Variants in GALNTL6 observed in about 807,000 individuals in gnomAD.
The protein encoded by GALNTL6 is polypeptide N-acetylgalactosaminyltransferase like 6, also known as polypeptide N-acetylgalactosaminyltransferase-like 6.
GALNTL6 carries 46 observed loss-of-function variants against 73.7 expected under a neutral mutation model. The observed-to-expected ratio is 0.62, with a 90% confidence interval of 0.49 to 0.80. The LOEUF (loss-of-function observed/expected upper bound fraction) is 0.80, where lower values mean the gene tolerates loss of function less well. GALNTL6 is among the 30% of genes least tolerant of loss of function. GALNTL6 has a pLI of 0.00. For missense variants in GALNTL6, 604 were observed against 755.0 expected, an observed-to-expected ratio of 0.80 and a Z score of 2.34; for synonymous variants, 259 against 263.7, an observed-to-expected ratio of 0.98 and a Z score of 0.17.
intron 2 of GALNTL6, among the ~76,000 whole-genome samples, chr4:171,888,421 G>A (rs1000279412): frequency 2.7e-5 from 4 of 150,782 alleles, no homozygotes; most frequent in South Asian, 2.1e-4. Context: ...CCTTATTGAC[G>A]TAAAATGGTT....
chr4:172,114,517 C>G lies in GALNTL6; in HGVS notation c.139-115139C>G, dbSNP rs34920383. Among the ~76,000 whole-genome samples, 394 of 152,134 alleles carry G rather than the reference C, an allele frequency of 2.6e-3. 2 individuals carry two copies. Among genetic ancestry groups the G allele is most frequent in the African/African-American group, 8.5e-3 (352 of 41,532 alleles). ...TCAACTTACAGCTTTGACAATACTG[C>G]TAATCAGAAACTCAGCAAGCTCTAC... is the stretch of plus-strand genomic sequence containing the variant. On this transcript the variant is annotated intron_variant, in intron 2 of 12. Transcript: ENST00000506823.
intron 5 of GALNTL6, among the ~76,000 whole-genome samples, chr4:172,731,724 A>G (rs1736159754): frequency 6.6e-6 from 1 of 152,070 alleles, no homozygotes; most frequent in Admixed American, 6.5e-5. Context: ...GCTGTATTCC[A>G]TAGAGTTTGG....
intron 2 of GALNTL6, among the ~76,000 whole-genome samples, chr4:172,105,590 G>T (rs1201044174): frequency 1.3e-5 from 2 of 151,940 alleles, no homozygotes; most frequent in Non-Finnish European, 1.5e-5. Context: ...AGAAAAAAAA[G>T]AGCTTCTAAA....
At chr4:172,284,400 C>A (rs770114630) in intron 3 of GALNTL6, among the ~76,000 whole-genome samples, 2 of 151,784 alleles carry the variant, frequency 1.3e-5, no homozygotes, top group Non-Finnish European at 2.9e-5. Context: ...ATCCACCCCC[C>A]ACACACACCA....
chr4:171,854,288 A>G (rs139810100), intron 2 of GALNTL6, among the ~76,000 whole-genome samples: 178 of 152,206 alleles, frequency 1.2e-3, no homozygotes, highest in African/African-American at 4.1e-3. Context: ...TCTTGGCCCA[A>G]TGCTAATGGC....
At chr4:172,889,466 G>A (rs945538970) in intron 8 of GALNTL6, among the ~76,000 whole-genome samples, 12 of 152,054 alleles carry the variant, frequency 7.9e-5, no homozygotes, top group African/African-American at 2.7e-4. Flanking sequence ...TATCATGAAA[G>A]GATAATGGGA....
chr4:172,267,185 T>G (rs1738477454), intron 3 of GALNTL6, among the ~76,000 whole-genome samples: 1 of 152,120 alleles, frequency 6.6e-6, no homozygotes, highest in Non-Finnish European at 1.5e-5. Flanking sequence ...TAGACTTGTT[T>G]GTTTAATATG....
At chr4:172,560,563 G>A (rs12506997) in intron 5 of GALNTL6, among the ~76,000 whole-genome samples, 134,703 of 152,140 alleles carry the variant, frequency 0.89, 59,681 homozygotes, top group African/African-American at 0.93. Flanking sequence ...GAGCACATCA[G>A]TATTAAACTC....
At chr4:172,622,730 A>G (rs1240041234) in intron 5 of GALNTL6, among the ~76,000 whole-genome samples, 1 of 152,136 alleles carries the variant, frequency 6.6e-6, no homozygotes, top group Non-Finnish European at 1.5e-5. Flanking sequence ...GATGAGCATG[A>G]AAAGATGTGT....
intron 5 of GALNTL6, among the ~76,000 whole-genome samples, chr4:172,736,866 A>G (rs1363418281): frequency 6.6e-6 from 1 of 152,146 alleles, no homozygotes; most frequent in South Asian, 2.1e-4. Context: ...CTGAGAGTGT[A>G]TAAGTCTTAA....
chr4:172,364,600 C>A (rs1489890341), intron 5 of GALNTL6, among the ~76,000 whole-genome samples: 1 of 152,258 alleles, frequency 6.6e-6, no homozygotes, highest in South Asian at 2.1e-4. Context: ...GATAACATTT[C>A]TTCCCTTAAC....
At chr4:172,424,211 G>T (rs990294396) in intron 5 of GALNTL6, among the ~76,000 whole-genome samples, 2 of 151,890 alleles carry the variant, frequency 1.3e-5, no homozygotes, top group African/African-American at 4.8e-5. Context: ...TAAATTTTTT[G>T]ATTTTGTTAT....
Position 172,297,334 on chromosome 4 carries a change from TG to T in GALNTL6, c.248-14279del, listed in dbSNP as rs558633277. ...TGTTCACTCTGATGGTAGATTCTTT[TG>T]CTGTGCAGAAGCTCTTTAGTTTAAT... is the stretch of plus-strand genomic sequence containing the variant. On this transcript the variant is annotated intron_variant, in intron 3 of 12. Transcript: ENST00000506823. Among the ~76,000 whole-genome samples the T allele has an allele frequency of 6.5e-3, 997 of 152,288 alleles. 15 individuals are homozygous for T. The highest frequency in any genetic ancestry group is 0.023 in the African/African-American group (950 of 41,538).
At chr4:171,985,105 T>C (rs577853362) in intron 2 of GALNTL6, among the ~76,000 whole-genome samples, 3 of 152,332 alleles carry the variant, frequency 2.0e-5, no homozygotes, top group Non-Finnish European at 4.4e-5. Context: ...ATTAAGTTTA[T>C]TGTGGTAACT....
At chr4:171,914,504 C>T (rs1280254223) in intron 2 of GALNTL6, among the ~76,000 whole-genome samples, 1 of 135,828 alleles carries the variant, frequency 7.4e-6, no homozygotes, top group African/African-American at 2.8e-5. Flanking sequence ...GATCTCGGCT[C>T]ACTGCAACCT....
At chr4:172,115,371 A>G (rs991993060) in intron 2 of GALNTL6, among the ~76,000 whole-genome samples, 1 of 152,160 alleles carries the variant, frequency 6.6e-6, no homozygotes, top group Non-Finnish European at 1.5e-5. Flanking sequence ...ATTTTGAGAA[A>G]TTGTTTTAAG....
Position 172,742,375 on chromosome 4 carries a change from A to G in GALNTL6, c.554-66986A>G, listed in dbSNP as rs1425001601. Among the ~76,000 whole-genome samples, 17 of 151,684 alleles carry G rather than the reference A, an allele frequency of 1.1e-4. No homozygotes were observed. The Admixed American group carries it at 1.1e-3, about 10-fold the overall frequency. ...ATGTCACAGCAATATAATTTTCCTG[A>G]ATAGTCCAAACCAATCACCCCAGCC... On this transcript the variant is annotated intron_variant, in intron 5 of 12. Coordinates refer to ENST00000506823, the MANE Select transcript of GALNTL6 (RefSeq NM_001034845.3).
At chr4:172,186,526 TA>T (rs1326044098) in intron 2 of GALNTL6, among the ~76,000 whole-genome samples, 7 of 152,198 alleles carry the variant, frequency 4.6e-5, no homozygotes, top group Admixed American at 4.6e-4. Flanking sequence ...TACCATCAGA[TA>T]AATGGATAAA....
At chr4:172,194,656 A>G (rs1298061887) in intron 2 of GALNTL6, among the ~76,000 whole-genome samples, 4 of 152,216 alleles carry the variant, frequency 2.6e-5, no homozygotes, top group Non-Finnish European at 4.4e-5. Flanking sequence ...ATTCTTAAAG[A>G]AAAGATTTTC....
Sources: allele counts gnomAD v4.1 joint callset (sites outside exome capture counted in the v4.1 genomes callset), GRCh38; gene constraint gnomAD v4.1.1; transcripts MANE v1.5; gene names NCBI Gene and HGNC (gene_info 2026-07-23, HGNC 2026-07-21).